The following CDH12 variants were observed in gnomAD, a reference collection of about 807,000 sequenced individuals.
The protein encoded by CDH12 is cadherin 12, also known as cadherin-12.
CDH12 carries 41 observed loss-of-function variants against 74.1 expected under a neutral mutation model. The ratio of observed to expected loss-of-function variants is 0.55; its 90% CI spans 0.43 to 0.72. The LOEUF is 0.72. Ranked by LOEUF, CDH12 falls within the 30% of genes least tolerant of loss-of-function variation. The pLI, the probability that CDH12 is intolerant of heterozygous loss-of-function variation, is 0.00. For synonymous variants in CDH12, 399 were observed against 355.0 expected (o/e 1.12, Z -1.39); for missense variants, 945 against 977.2 (o/e 0.97, Z 0.44).
At chr5:22,513,046 T>G (rs2126674502) in intron 1 of CDH12, among the ~76,000 whole-genome samples, 1 of 152,116 alleles carries the variant, frequency 6.6e-6, no homozygotes, top group East Asian at 1.9e-4. Context: ...AAAAAGATAA[T>G]AATAATAATA....
intron 4 of CDH12, among the ~76,000 whole-genome samples, chr5:22,181,676 A>C (rs1302177010): frequency 1.3e-5 from 2 of 152,234 alleles, no homozygotes; most frequent in East Asian, 3.9e-4. Flanking sequence ...TATAATGTAC[A>C]CAAAAGCAGA....
intron 3 of CDH12, among the ~76,000 whole-genome samples, chr5:22,241,374 C>T (rs1025512771): frequency 2.0e-5 from 3 of 152,054 alleles, no homozygotes; most frequent in Admixed American, 2.0e-4. Flanking sequence ...ATATTGTCTA[C>T]ATACAGAATT....
At chr5:21,844,080 T>C (rs1428734328) in intron 7 of CDH12, among the ~76,000 whole-genome samples, 2 of 152,178 alleles carry the variant, frequency 1.3e-5, no homozygotes, top group Non-Finnish European at 2.9e-5. Flanking sequence ...GACAGAATTG[T>C]GGAGTTGTTC....
intron 10 of CDH12, among the ~76,000 whole-genome samples, chr5:21,784,164 T>C (rs6889342): frequency 0.084 from 12,790 of 152,120 alleles, 888 homozygotes; most frequent in African/African-American, 0.18. Context: ...ATAATGGATG[T>C]TGCCCTACGT....
At chr5:22,145,304 G>T (rs900871064) in intron 4 of CDH12, among the ~76,000 whole-genome samples, 1 of 152,092 alleles carries the variant, frequency 6.6e-6, no homozygotes, top group African/African-American at 2.4e-5. Context: ...ACAGCTGCTA[G>T]CAATGAGGGG....
intron 5 of CDH12, among the ~76,000 whole-genome samples, chr5:22,007,312 TGA>T (rs1433180979): frequency 2.0e-5 from 3 of 152,168 alleles, no homozygotes; most frequent in African/African-American, 7.2e-5. Context: ...TGAAAATCAC[TGA>T]GAGTAGATTT....
At chr5:21,984,515 G>A (rs1246517741) in intron 5 of CDH12, among the ~76,000 whole-genome samples, 3 of 152,040 alleles carry the variant, frequency 2.0e-5, no homozygotes, top group Non-Finnish European at 4.4e-5. Context: ...GTAAACACTC[G>A]CATGTAGCTC....
chr5:22,627,721 A>G (rs1458571690), intron 1 of CDH12, among the ~76,000 whole-genome samples: 1 of 152,162 alleles, frequency 6.6e-6, no homozygotes, highest in African/African-American at 2.4e-5. Flanking sequence ...GACAGGTCCA[A>G]TTCTGCACAT....
At chr5:22,442,904 G>A (rs1470984636) in intron 2 of CDH12, among the ~76,000 whole-genome samples, 2 of 152,090 alleles carry the variant, frequency 1.3e-5, no homozygotes, top group Non-Finnish European at 2.9e-5. Context: ...AGTTACTTGT[G>A]ATATAAAAAT....
At chr5:22,580,180 A>G (rs1740012560) in intron 1 of CDH12, 1 of 291,502 alleles carries the variant, frequency 3.4e-6, no homozygotes, top group Non-Finnish European at 6.8e-6. Context: ...ATGAGGGTAC[A>G]TTTTGGGTAT....
At chr5:22,359,236 T>C (rs1218335414) in intron 3 of CDH12, among the ~76,000 whole-genome samples, 4 of 152,012 alleles carry the variant, frequency 2.6e-5, no homozygotes, top group African/African-American at 7.3e-5. Context: ...TGGAGGAAGA[T>C]CTACCAAGCA....
At chr5:22,832,985 T>A (rs1244812834) in intron 1 of CDH12, among the ~76,000 whole-genome samples, 1 of 152,180 alleles carries the variant, frequency 6.6e-6, no homozygotes, top group Non-Finnish European at 1.5e-5. Flanking sequence ...TTTTCAAAAT[T>A]CAAAATTTTC....
At chr5:22,838,647 GTGTC>G (rs1235466021) in intron 1 of CDH12, among the ~76,000 whole-genome samples, 2 of 115,786 alleles carry the variant, frequency 1.7e-5, no homozygotes, top group East Asian at 2.4e-4. Context: ...GTGTGTGAGA[GTGTC>G]TGTGTGTGTG....
intron 1 of CDH12, among the ~76,000 whole-genome samples, chr5:22,742,419 T>C (rs1399626069): frequency 2.6e-5 from 4 of 152,102 alleles, no homozygotes; most frequent in Non-Finnish European, 5.9e-5. Flanking sequence ...ACCACATGGC[T>C]TGCTCTAAAA....
intron 1 of CDH12, among the ~76,000 whole-genome samples, chr5:22,684,626 A>G (rs149183178): frequency 6.6e-6 from 1 of 152,242 alleles, no homozygotes; most frequent in Non-Finnish European, 1.5e-5. Context: ...ATCTAGACTC[A>G]GAGAAATCTC....
At chr5:22,726,039 C>A (rs1022115778) in intron 1 of CDH12, among the ~76,000 whole-genome samples, 1 of 151,642 alleles carries the variant, frequency 6.6e-6, no homozygotes, top group African/African-American at 2.4e-5. Flanking sequence ...ACTGATGAAC[C>A]TACATTGACA....
intron 1 of CDH12, among the ~76,000 whole-genome samples, chr5:22,667,653 T>G (rs1740692566): frequency 6.6e-6 from 1 of 152,188 alleles, no homozygotes; most frequent in Non-Finnish European, 1.5e-5. Context: ...AGTTACCTTC[T>G]TAGCTGGATG....
intron 1 of CDH12, among the ~76,000 whole-genome samples, chr5:22,690,547 A>G (rs1580891244): frequency 6.6e-6 from 1 of 152,320 alleles, no homozygotes; most frequent in Non-Finnish European, 1.5e-5. Context: ...ATCACATGAC[A>G]GCAAGTATAT....
chr5:22,412,763 T>C (rs1743216479), intron 2 of CDH12, among the ~76,000 whole-genome samples: 1 of 151,940 alleles, frequency 6.6e-6, no homozygotes, highest in Non-Finnish European at 1.5e-5. Flanking sequence ...TTTCAATCTT[T>C]TCTTTGAGGA....
Sources: allele counts gnomAD v4.1 joint callset (sites outside exome capture counted in the v4.1 genomes callset), GRCh38; gene constraint gnomAD v4.1.1; transcripts MANE v1.5; gene names NCBI Gene and HGNC (gene_info 2026-07-23, HGNC 2026-07-21).